Variants in CTNNA2 observed in about 807,000 individuals in gnomAD.
The protein encoded by CTNNA2 is catenin alpha-2.
A neutral mutation model predicts 101.0 loss-of-function variants in CTNNA2; 42 were observed. The ratio of observed to expected loss-of-function variants is 0.42; its 90% CI spans 0.32 to 0.54. CTNNA2 has a LOEUF of 0.54. Ranked by LOEUF, CTNNA2 falls within the 20% of genes least tolerant of loss-of-function variation. The probability of loss-of-function intolerance (pLI) is 0.14; values close to 1 mark genes in which losing one functional copy is unlikely to be tolerated. For synonymous variants in CTNNA2, 450 were observed against 456.4 expected (o/e 0.99, Z 0.18); for missense variants, 871 against 1,223.1 (o/e 0.71, Z 4.29).
At chr2:80,571,702 T>C (rs140981993) in intron 12 of CTNNA2, among the ~76,000 whole-genome samples, 1 of 152,162 alleles carries the variant, frequency 6.6e-6, no homozygotes, top group Non-Finnish European at 1.5e-5. Flanking sequence ...CTTTAATATA[T>C]TGACTGTCCC....
chr2:79,924,373 G>A lies in CTNNA2; in HGVS notation c.1056+14576G>A, dbSNP rs577558181. ...TTGGCTTTCTCTGGCCTGCTAAACA[G>A]GCTAGTACACCTCTTTCTGAAATCC... On this transcript the variant is annotated intron_variant, in intron 7 of 18. Transcript: ENST00000402739. 4.6e-5 allele frequency among the ~76,000 whole-genome samples: 7 copies of A among 152,166 alleles called. No individual in the cohort carries two copies. The East Asian group carries it at 1.2e-3, about 25-fold the overall frequency.
chr2:79,272,903 A>G (rs1362659193), intron 2 of CTNNA2, among the ~76,000 whole-genome samples: 1 of 152,036 alleles, frequency 6.6e-6, no homozygotes, highest in Non-Finnish European at 1.5e-5. Context: ...TACTTTATTA[A>G]CTAGGTTATG....
intron 3 of CTNNA2, among the ~76,000 whole-genome samples, chr2:79,765,945 A>C (rs1051921018): frequency 6.6e-6 from 1 of 152,152 alleles, no homozygotes; most frequent in Non-Finnish European, 1.5e-5. Flanking sequence ...CAGTATACAC[A>C]TTGCATTTAG....
intron 7 of CTNNA2, among the ~76,000 whole-genome samples, chr2:79,979,830 G>A (rs1408096833): frequency 6.6e-6 from 1 of 152,132 alleles, no homozygotes; most frequent in Non-Finnish European, 1.5e-5. Flanking sequence ...AGCAACTAAT[G>A]CAGAGAAAGG....
intron 4 of CTNNA2, among the ~76,000 whole-genome samples, chr2:79,492,172 T>C (rs1322119079): frequency 2.6e-5 from 4 of 152,068 alleles, no homozygotes; most frequent in Admixed American, 6.6e-5. Flanking sequence ...ACTATTTATA[T>C]TTTTAGTAAA....
At chr2:80,305,004 T>C in intron 7 of CTNNA2, 1 of 937,212 alleles carries the variant, frequency 1.1e-6, no homozygotes, top group Non-Finnish European at 1.3e-6. Flanking sequence ...AACTGAAATG[T>C]TCTGTGCTCT....
intron 7 of CTNNA2, among the ~76,000 whole-genome samples, chr2:80,073,042 A>G (rs993518772): frequency 3.9e-5 from 6 of 152,218 alleles, no homozygotes; most frequent in African/African-American, 1.2e-4. Context: ...TGAAGCAATT[A>G]TCGTGAGTAG....
chr2:79,823,892 T>C (rs553961181), intron 3 of CTNNA2, among the ~76,000 whole-genome samples: 1 of 152,292 alleles, frequency 6.6e-6, no homozygotes, highest in South Asian at 2.1e-4. Flanking sequence ...TAGTCTTACT[T>C]GGAGAGATTG....
chr2:80,299,125 C>G (rs1289184252), intron 7 of CTNNA2: 1 of 151,962 alleles, frequency 6.6e-6, no homozygotes, highest in African/African-American at 2.4e-5. Context: ...TGAATTGTGG[C>G]CTTAAGTTCT....
At chr2:79,455,041 G>C (rs1015333779) in intron 4 of CTNNA2, among the ~76,000 whole-genome samples, 1 of 152,140 alleles carries the variant, frequency 6.6e-6, no homozygotes, top group Non-Finnish European at 1.5e-5. Flanking sequence ...CATTGAATGA[G>C]TTAATGATAG....
At chr2:80,549,455 A>AT (rs994132700) in intron 11 of CTNNA2, among the ~76,000 whole-genome samples, 3 of 151,920 alleles carry the variant, frequency 2.0e-5, no homozygotes, top group Non-Finnish European at 2.9e-5. Context: ...GTCATCACTG[A>AT]TTTTTTTTCA....
At chr2:79,646,393 A>G (rs1042303388) in intron 1 of CTNNA2, among the ~76,000 whole-genome samples, 1 of 152,130 alleles carries the variant, frequency 6.6e-6, no homozygotes, top group African/African-American at 2.4e-5. Context: ...TGAGTGACAA[A>G]TAGCTGATAG....
intron 3 of CTNNA2, among the ~76,000 whole-genome samples, chr2:79,333,064 A>T (rs1676911284): frequency 6.6e-6 from 1 of 152,222 alleles, no homozygotes; most frequent in Non-Finnish European, 1.5e-5. Flanking sequence ...AGAATTTTGA[A>T]AGAAACGCAA....
At chr2:80,467,584 G>A (rs1684965445) in intron 9 of CTNNA2, among the ~76,000 whole-genome samples, 1 of 152,166 alleles carries the variant, frequency 6.6e-6, no homozygotes, top group African/African-American at 2.4e-5. Context: ...ACATCTATGA[G>A]TTAACACTAC....
At chr2:80,367,694 G>A (rs753093265) in intron 7 of CTNNA2, among the ~76,000 whole-genome samples, 31 of 151,666 alleles carry the variant, frequency 2.0e-4, no homozygotes, top group Non-Finnish European at 3.7e-4. Context: ...TTGTAATGGT[G>A]TGAAAAAAAT....
chr2:79,771,442 C>T (rs1347968812), intron 3 of CTNNA2, among the ~76,000 whole-genome samples: 1 of 152,146 alleles, frequency 6.6e-6, no homozygotes. Flanking sequence ...ATTATTATTA[C>T]ATTGTAATAT....
At chr2:79,537,153 T>A (rs1673124324) in intron 1 of CTNNA2, among the ~76,000 whole-genome samples, 1 of 152,148 alleles carries the variant, frequency 6.6e-6, no homozygotes, top group Non-Finnish European at 1.5e-5. Flanking sequence ...GACGTTCTGT[T>A]GGTGAGTTGA....
At chr2:79,945,966 A>C (rs1184728489) in intron 7 of CTNNA2, among the ~76,000 whole-genome samples, 1 of 152,206 alleles carries the variant, frequency 6.6e-6, no homozygotes, top group African/African-American at 2.4e-5. Flanking sequence ...CTAGTGAATT[A>C]GGGGTGAAAT....
chr2:79,728,251 CTT>C (rs987537303), intron 2 of CTNNA2, among the ~76,000 whole-genome samples: 3 of 152,064 alleles, frequency 2.0e-5, no homozygotes, highest in African/African-American at 7.2e-5. Context: ...TGTTTCCTGA[CTT>C]TTTAATGATC....
Sources: allele counts gnomAD v4.1 joint callset (sites outside exome capture counted in the v4.1 genomes callset), GRCh38; gene constraint gnomAD v4.1.1; transcripts MANE v1.5; gene names NCBI Gene and HGNC (gene_info 2026-07-23, HGNC 2026-07-21).